The following CEL variants were observed in gnomAD, a reference collection of about 807,000 sequenced individuals.
CEL encodes bile salt-activated lipase.
A neutral mutation model predicts 57.1 loss-of-function variants in CEL; 39 were observed. The ratio of observed to expected loss-of-function variants is 0.68; its 90% CI spans 0.53 to 0.89. The LOEUF is 0.89. Among genes scored for constraint, CEL ranks in the 40% least tolerant of loss-of-function variants. CEL has a pLI of 0.00. For missense variants in CEL, 698 were observed against 915.0 expected (o/e 0.76, Z 3.06); for synonymous variants, 314 against 396.6 (o/e 0.79, Z 2.48).
At chr9:133,068,018 A>G (rs1210547044) in intron 7 of CEL, among the ~76,000 whole-genome samples, 1 of 152,182 alleles carries the variant, frequency 6.6e-6, no homozygotes, top group Non-Finnish European at 1.5e-5. Context: ...CTATGGCAAC[A>G]TGCCATGAAG....
intron 7 of CEL, among the ~76,000 whole-genome samples, chr9:133,067,833 CCGTTCATTCATT>C (rs1405715116): frequency 6.6e-6 from 1 of 152,098 alleles, no homozygotes; most frequent in Non-Finnish European, 1.5e-5. Context: ...TGCTAGATGA[CCGTTCATTCATT>C]CGTTCATTCA....
chr9:133,063,936 A>T (rs1007458708), intron 1 of CEL, among the ~76,000 whole-genome samples: 1 of 152,160 alleles, frequency 6.6e-6, no homozygotes, highest in African/African-American at 2.4e-5. Flanking sequence ...CCCCTCAGAA[A>T]GGAGGAAGGT....
Position 133,065,165 on chromosome 9 carries a change from G to T in CEL, c.466G>T (p.Val156Phe), listed in dbSNP as rs115980362. 2 of 1,613,730 alleles carry T rather than the reference G, an allele frequency of 1.2e-6. No homozygotes were observed. The highest frequency in any genetic ancestry group is 1.1e-5 in the South Asian group (1 of 91,088). Residue 156 changes from valine (V) to phenylalanine (F), a missense_variant, in exon 4 of 11, where the codon GTC (valine) becomes TTC (phenylalanine). Coordinates refer to ENST00000372080, the MANE Select transcript of CEL (RefSeq NM_001807.6). Reference protein sequence around the residue: ...DGEEIATRGNVIVVTFNYRVG... With the variant: ...DGEEIATRGNFIVVTFNYRVG... ...CGAGGAGATCGCCACACGCGGAAAC[G>T]TCATCGTGGTCACCTTCAACTACCG...
At position 133,071,126 on chromosome 9, in the gene CEL, T is replaced by C. The variant is rs1441466735; in HGVS notation, c.1624T>C (p.Trp542Arg). 1.1e-5 allele frequency: 17 copies of C among 1,609,550 alleles called. No individual in the cohort carries two copies. Among genetic ancestry groups the C allele is most frequent in the Non-Finnish European group, 1.4e-5 (17 of 1,179,726 alleles). Residue 542 changes from tryptophan to arginine, a missense_variant, in exon 11 of 11, where the codon TGG (tryptophan) becomes CGG (arginine). Transcript: ENST00000372080. ...CCTGAGAACCAACTTCCTGCGCTAC[T>C]GGACCCTCACCTATCTGGCGCTGCC... ...RSLRTNFLRY[W>R]TLTYLALPTV...
rs1588488814 is a variant in CEL, at chr9:133,064,930, G to A, written c.341-110G>A. 1.0e-5 allele frequency: 16 copies of A among 1,539,712 alleles called. No individual in the cohort carries two copies. The South Asian group carries it at 1.3e-4, about 12-fold the overall frequency. ...CCAGCCTGGGGCAGGGCAGCGCCTTGGAGCACCTCCCTGTCTTGGCCCCAG... is the reference window on the plus strand; with the variant it reads ...CCAGCCTGGGGCAGGGCAGCGCCTTAGAGCACCTCCCTGTCTTGGCCCCAG... On this transcript the variant is annotated intron_variant, in intron 3 of 10. Transcript: ENST00000372080.
At chr9:133,063,500 C>G (rs1588487985) in intron 1 of CEL, among the ~76,000 whole-genome samples, 1 of 152,286 alleles carries the variant, frequency 6.6e-6, no homozygotes, top group East Asian at 1.9e-4. Flanking sequence ...GGTGTAGGGC[C>G]ACCCTGCCCT....
chr9:133,062,362 G>C (rs1193945210), intron 1 of CEL, among the ~76,000 whole-genome samples: 3 of 135,586 alleles, frequency 2.2e-5, no homozygotes, highest in Middle Eastern at 3.3e-3. Context: ...GGGAGGCCGA[G>C]GTGGGTGGAT....
chr9:133,063,810 TTCTTTACCAGCAGGGGGC>T, intron 1 of CEL, among the ~76,000 whole-genome samples: 1 of 151,370 alleles, frequency 6.6e-6, no homozygotes, highest in South Asian at 2.1e-4. Context: ...CCCTAGGGGG[TTCTTTACCAGCAGGGGGC>T]TCAGGAACTG....
At chr9:133,062,859 A>G (rs777279123) in intron 1 of CEL, among the ~76,000 whole-genome samples, 11,197 of 134,002 alleles carry the variant, frequency 0.084, 27 homozygotes, top group East Asian at 0.21. Flanking sequence ...CTGAAAGCCG[A>G]GCTACTCCAC....
At position 133,066,647 on chromosome 9, in the gene CEL, G is replaced by C. The variant is rs1394480146; in HGVS notation, c.656G>C (p.Ser219Thr). 7 of 1,613,592 alleles carry C rather than the reference G, an allele frequency of 4.3e-6. No homozygotes were observed. The highest frequency in any genetic ancestry group is 5.1e-6 in the Non-Finnish European group (6 of 1,179,906). ...TLFGESAGGA[S>T]VSLQTLSPYN... ...TTCGGGGAGTCTGCTGGAGGTGCCAGCGTCTCTCTGCAGGTCTCGGGATCC... is the reference window on the plus strand; with the variant it reads ...TTCGGGGAGTCTGCTGGAGGTGCCACCGTCTCTCTGCAGGTCTCGGGATCC... The change falls in exon 5 of 11, where the codon AGC becomes ACC. Residue 219 changes from serine to threonine, a missense_variant. This residue lies in a region of CEL where 327 missense variants were observed against 374.1 expected (regional missense o/e 0.87). Transcript: ENST00000372080. The surrounding 1 kb of genome is among the most constrained non-coding windows in gnomAD (Gnocchi z 4.3).
rs768952829 is a variant in CEL at position 133,070,595 on chromosome 9, G to A, written c.1421G>A (p.Arg474Gln). 1.1e-5 allele frequency: 17 copies of A among 1,613,962 alleles called. No homozygotes were observed. The highest frequency in any genetic ancestry group is 1.0e-4 in the Admixed American group (6 of 59,992). The change falls in exon 10 of 11, where the codon CGG becomes CAG. Residue 474 changes from arginine to glutamine, a missense_variant. Physicochemically the swap from Arg to Gln is conservative, Grantham distance 43. Transcript: ENST00000372080. The part of the protein sequence containing the change: ...GKPFATPTGY[R>Q]PQDRTVSKAM... The stretch of plus-strand genomic sequence containing the variant: ...CCCTTCGCCACCCCCACGGGCTACC[G>A]GCCCCAAGACAGGACAGTCTCTAAG...
chr9:133,070,844 C>A, intron 10 of CEL, 143 bp from the exon 11 acceptor site: 1 of 1,223,484 alleles, frequency 8.2e-7, no homozygotes, highest in Non-Finnish European at 1.2e-6. Flanking sequence ...TGCACGTGCA[C>A]AGCCAGTGCC....
In CEL at chr9:133,065,194, C is replaced by T. The variant is rs371979820; in HGVS notation, c.495C>T (p.Val165=). ...TCGTGGTCACCTTCAACTACCGTGTCGGCCCCCTTGGGTTCCTCAGCACTG... is the reference window on the plus strand; with the variant it reads ...TCGTGGTCACCTTCAACTACCGTGTTGGCCCCCTTGGGTTCCTCAGCACTG... The part of the protein sequence containing the change: ...NVIVVTFNYR[V]GPLGFLSTGD... The change falls in exon 4 of 11, where the codon GTC becomes GTT. Residue 165 remains valine (V), a synonymous_variant. Transcript: ENST00000372080. 38 of 1,613,684 alleles carry T rather than the reference C, an allele frequency of 2.4e-5. No individual in the cohort carries two copies. In the Admixed American group the frequency reaches 4.3e-4, roughly 18 times the overall value.
intron 9 of CEL, among the ~76,000 whole-genome samples, 186 bp from the exon 10 acceptor site, chr9:133,070,275 G>T (rs1438901984): frequency 6.8e-6 from 1 of 147,512 alleles, no homozygotes; most frequent in African/African-American, 2.5e-5. Context: ...TGAAATTGTG[G>T]AACCCATGAA....
intron 7 of CEL, among the ~76,000 whole-genome samples, chr9:133,067,956 G>C (rs1830207956): frequency 6.6e-6 from 1 of 152,196 alleles, no homozygotes; most frequent in Non-Finnish European, 1.5e-5. Flanking sequence ...AAACACCTCT[G>C]CATGTCAGCC....
In CEL at chr9:133,070,485, G is replaced by C. The variant is rs763455659; in HGVS notation, c.1311G>C (p.Leu437=). 5 of 1,613,670 alleles carry C rather than the reference G, an allele frequency of 3.1e-6. No individual in the cohort carries two copies. The South Asian group carries it at 5.5e-5, about 18-fold the overall frequency. ...GGAGTGCCAAGACCTACGCCTACCTGTTTTCCCATCCCTCTCGGATGCCCG... is the reference window on the plus strand; with the variant it reads ...GGAGTGCCAAGACCTACGCCTACCTCTTTTCCCATCCCTCTCGGATGCCCG... The part of the protein sequence containing the change: ...NAKSAKTYAY[L]FSHPSRMPVY... The change falls in exon 10 of 11, where the codon CTG becomes CTC. Residue 437 remains leucine, a synonymous_variant. Coordinates refer to ENST00000372080, the MANE Select transcript of CEL (RefSeq NM_001807.6).
chr9:133,064,222 C>T (rs754653652), intron 1 of CEL, among the ~76,000 whole-genome samples, 182 bp from the exon 2 acceptor site: 9 of 152,196 alleles, frequency 5.9e-5, no homozygotes, highest in Non-Finnish European at 1.2e-4. Context: ...AGGAGAGGAA[C>T]AGGAATCCTA....
In CEL at chr9:133,066,534, C is replaced by G; in HGVS notation, c.543C>G (p.Asn181Lys). 6.2e-7 allele frequency: 1 copy of G among 1,614,058 alleles called. No homozygotes were observed. Among genetic ancestry groups the G allele is most frequent in the Non-Finnish European group, 8.5e-7 (1 of 1,180,008 alleles). Residue 181 changes from asparagine to lysine, a missense_variant, in exon 5 of 11, where the codon AAC (asparagine) becomes AAG (lysine). Asn to Lys is a moderately conservative substitution (Grantham distance 94). Transcript: ENST00000372080. This position sits in a 1 kb window ranked among gnomAD's most constrained non-coding sequence, Gnocchi z 4.3. ...LSTGDANLPG[N>K]YGLRDQHMAI... The stretch of plus-strand genomic sequence containing the variant: ...CCTCCCCTGCCCTGCCCCCAGGTAA[C>G]TATGGCCTTCGGGATCAGCACATGG...
chr9:133,064,910 C>T, intron 3 of CEL, 130 bp from the exon 4 acceptor site: 1 of 1,537,638 alleles, frequency 6.5e-7, no homozygotes, highest in Non-Finnish European at 8.9e-7. Context: ...GTTGCCCAGC[C>T]TGGGGCAGGG....
Sources: allele counts gnomAD v4.1 joint callset (sites outside exome capture counted in the v4.1 genomes callset), GRCh38; gene constraint gnomAD v4.1.1; regional missense constraint gnomAD v4.1.1; non-coding constraint Gnocchi (gnomAD v3.1); transcripts MANE v1.5; gene names NCBI Gene and HGNC (gene_info 2026-07-23, HGNC 2026-07-21).